The following SLC39A12 variants were observed in gnomAD, a reference collection of about 807,000 sequenced individuals.
SLC39A12 encodes solute carrier family 39 member 12, also known as zinc transporter ZIP12.
Under a neutral mutation model 71.1 loss-of-function variants are expected in SLC39A12, and 63 were observed. That is an observed-to-expected ratio of 0.89 (90% confidence interval 0.72 to 1.09). The LOEUF (loss-of-function observed/expected upper bound fraction) is 1.09. SLC39A12 is among the 50% of genes least tolerant of loss of function. The probability of loss-of-function intolerance (pLI) is 0.00; values close to 1 mark genes in which losing one functional copy is unlikely to be tolerated. For missense variants in SLC39A12, 892 were observed against 812.6 expected, an observed-to-expected ratio of 1.10 and a Z score of -1.19; for synonymous variants, 351 against 301.3, an observed-to-expected ratio of 1.16 and a Z score of -1.71.
At position 18,024,161 on chromosome 10, in the gene SLC39A12, G is replaced by A. The variant is rs1836611088; in HGVS notation, c.1948-18544G>A. Among the ~76,000 whole-genome samples, 2 of 152,118 alleles carry A rather than the reference G, an allele frequency of 1.3e-5. 1 individual carries two copies. Among genetic ancestry groups the A allele is most frequent in the Non-Finnish European group, 2.9e-5 (2 of 68,004 alleles). On this transcript the variant is annotated intron_variant, in intron 12 of 12. Transcript: ENST00000377369. ...CAGGCCAGTGGGCTTTGCCCAGCAA[G>A]GTGTTGGTGAAAGTGAGGCCTGTAG...
At chr10:17,957,631 A>G (rs1197528280) in intron 2 of SLC39A12, among the ~76,000 whole-genome samples, 2 of 152,058 alleles carry the variant, frequency 1.3e-5, no homozygotes, top group African/African-American at 2.4e-5. Flanking sequence ...TCCCAAACAC[A>G]ACTGAGCCAA....
At chr10:17,977,389 A>G (rs1362461688) in intron 4 of SLC39A12, among the ~76,000 whole-genome samples, 1 of 151,984 alleles carries the variant, frequency 6.6e-6, no homozygotes, top group African/African-American at 2.4e-5. Context: ...AAGAAGATGT[A>G]TAAATCCATA....
chr10:18,039,969 C>A (rs556045554), intron 12 of SLC39A12, among the ~76,000 whole-genome samples: 1 of 152,120 alleles, frequency 6.6e-6, no homozygotes, highest in Non-Finnish European at 1.5e-5. Flanking sequence ...GATATTCATT[C>A]GCCACTTAGG....
chr10:17,981,222 C>T (rs557980170), intron 5 of SLC39A12, 90 bp from the exon 6 acceptor site: 1 of 1,183,508 alleles, frequency 8.4e-7, no homozygotes, highest in Admixed American at 2.2e-5. Context: ...GCTATTCCAT[C>T]TAGAATTCAC....
chr10:17,990,972 G>T (rs1294396823), intron 7 of SLC39A12, among the ~76,000 whole-genome samples, 179 bp from the exon 8 acceptor site: 1 of 152,110 alleles, frequency 6.6e-6, no homozygotes, highest in Non-Finnish European at 1.5e-5. Flanking sequence ...GTGTATAGTG[G>T]AAGCATTCAC....
intron 12 of SLC39A12, among the ~76,000 whole-genome samples, chr10:18,038,650 C>T (rs548897520): frequency 8.1e-6 from 1 of 123,448 alleles, no homozygotes; most frequent in East Asian, 2.1e-4. Flanking sequence ...GAAACTCTGT[C>T]TCAAAAATAA....
chr10:17,978,139 T>A lies in SLC39A12; in HGVS notation c.924+65T>A, dbSNP rs1589227985. ...TCAAAGGAAGCCCAGCTGTGAAAGT[T>A]TTATTAGAGTTGTAGAAAACTTAAA... On this transcript the variant is annotated intron_variant, in intron 5 of 12. Coordinates refer to ENST00000377369, the MANE Select transcript of SLC39A12 (RefSeq NM_001145195.2). 8 of 1,338,452 alleles carry A rather than the reference T, an allele frequency of 6.0e-6. No individual in the cohort carries two copies. The South Asian group carries it at 1.0e-4, about 17-fold the overall frequency. The allele number at this position is 1,338,452 out of a possible 1,614,324, so 82.9% of individuals were successfully genotyped here.
chr10:17,999,461 G>A (rs1336344068), intron 10 of SLC39A12, among the ~76,000 whole-genome samples: 1 of 152,076 alleles, frequency 6.6e-6, no homozygotes, highest in Admixed American at 6.6e-5. Context: ...GTCTACCTAG[G>A]CAGATTACTA....
chr10:18,010,321 A>C (rs1193243623), intron 12 of SLC39A12, among the ~76,000 whole-genome samples: 1 of 152,194 alleles, frequency 6.6e-6, no homozygotes, highest in African/African-American at 2.4e-5. Context: ...TTGTTTGAAA[A>C]AGACATATGA....
intron 6 of SLC39A12, among the ~76,000 whole-genome samples, chr10:17,984,506 A>G (rs1041479840): frequency 3.9e-5 from 6 of 152,234 alleles, no homozygotes; most frequent in Admixed American, 6.5e-5. Flanking sequence ...TTAAACATCC[A>G]GGTGCTCATG....
intron 12 of SLC39A12, among the ~76,000 whole-genome samples, chr10:18,014,000 A>G (rs539209118): frequency 7.9e-5 from 12 of 152,294 alleles, no homozygotes; most frequent in Non-Finnish European, 1.3e-4. Context: ...ATTTTTTAAA[A>G]AAAGTGATTG....
chr10:18,027,850 G>T (rs1836721914), intron 12 of SLC39A12, among the ~76,000 whole-genome samples: 2 of 152,164 alleles, frequency 1.3e-5, no homozygotes, highest in African/African-American at 2.4e-5. Flanking sequence ...GTTCCATTTT[G>T]TTGTTAGATG....
intron 2 of SLC39A12, among the ~76,000 whole-genome samples, chr10:17,958,630 C>T (rs567019268): frequency 6.6e-6 from 1 of 152,268 alleles, no homozygotes. Flanking sequence ...TAACAGTGCT[C>T]TCCACCATCA....
chr10:17,993,317 A>C, intron 9 of SLC39A12, 26 bp downstream of exon 9: 1 of 1,380,746 alleles, frequency 7.2e-7, no homozygotes, highest in Non-Finnish European at 1.0e-6. Context: ...GAAGCATTCT[A>C]CTGATCTGAT....
Position 17,970,264 on chromosome 10 carries a change from T to C in SLC39A12, c.751+4574T>C, listed in dbSNP as rs373234774. On this transcript the variant is annotated intron_variant, in intron 4 of 12. Transcript: ENST00000377369. ...CTTTTGCTCAGGATAGTTTTGACTG[T>C]TCTGGATCTTTTGTGATTCCATATA... Among the ~76,000 whole-genome samples the C allele has an allele frequency of 3.4e-4, 52 of 152,336 alleles. 2 individuals are homozygous for C. The highest frequency in any genetic ancestry group is 3.3e-3 in the South Asian group (16 of 4,830).
chr10:17,972,145 A>C (rs1834990563), intron 4 of SLC39A12, among the ~76,000 whole-genome samples: 1 of 152,174 alleles, frequency 6.6e-6, no homozygotes, highest in Non-Finnish European at 1.5e-5. Context: ...GTTTTCAAAA[A>C]TTCCTCTTGT....
intron 10 of SLC39A12, 123 bp from the exon 11 acceptor site, chr10:18,000,544 T>C: frequency 1.1e-6 from 1 of 895,288 alleles, no homozygotes; most frequent in Non-Finnish European, 1.7e-6. Context: ...CAAAGTGATG[T>C]TATTTAATCA....
At chr10:18,042,287 G>A (rs1468107913) in intron 12 of SLC39A12, among the ~76,000 whole-genome samples, 2 of 151,836 alleles carry the variant, frequency 1.3e-5, no homozygotes, top group African/African-American at 4.8e-5. Flanking sequence ...AGACCTGCCT[G>A]GGCAATACAG....
At chr10:17,957,796 G>A (rs1298376560) in intron 2 of SLC39A12, among the ~76,000 whole-genome samples, 5 of 152,070 alleles carry the variant, frequency 3.3e-5, no homozygotes, top group African/African-American at 4.8e-5. Context: ...GCTTCCACCT[G>A]TATTCTTTCC....
Sources: gnomAD v4.1 joint callset for allele counts (sites outside exome capture counted in the v4.1 genomes callset) on GRCh38, gnomAD v4.1.1 for gene constraint, MANE v1.5 for transcripts, NCBI Gene and HGNC (gene_info 2026-07-23, HGNC 2026-07-21) for gene names.